KIAA1217: variants seen among roughly 807,000 people sequenced by gnomAD.
KIAA1217 encodes the protein sickle tail protein homolog.
KIAA1217 carries 88 observed loss-of-function variants against 163.9 expected under a neutral mutation model. That is an observed-to-expected ratio of 0.54 (90% confidence interval 0.45 to 0.64). The LOEUF is 0.64. KIAA1217 is among the 30% of genes least tolerant of loss of function. The pLI is 0.00. For synonymous variants in KIAA1217, 903 were observed against 923.1 expected, an observed-to-expected ratio of 0.98 and a Z score of 0.39; for missense variants, 2,372 against 2,475.0, an observed-to-expected ratio of 0.96 and a Z score of 0.88.
Position 24,276,700 on chromosome 10 carries a change from C to G in KIAA1217, c.354+56791C>G, listed in dbSNP as rs536635424. Among the ~76,000 whole-genome samples the G allele has an allele frequency of 5.1e-4, 78 of 151,700 alleles. 1 individual carries two copies. Among genetic ancestry groups the G allele is most frequent in the African/African-American group, 1.5e-3 (62 of 41,286 alleles). ...TCTCGGCTCACAGCAACCTCTGTCT[C>G]TCAAGTTCAAGTGATTGTCCTGCCT... On this transcript the variant is annotated intron_variant, in intron 2 of 20. Transcript: ENST00000376454.
At chr10:23,769,968 A>T (rs1834722134) in intron 1 of KIAA1217, among the ~76,000 whole-genome samples, 1 of 152,338 alleles carries the variant, frequency 6.6e-6, no homozygotes, top group East Asian at 1.9e-4. Flanking sequence ...CTTTTAACTC[A>T]TAATTAATTA....
At chr10:24,204,084 TTGGATC>T (rs759405831), upstream of KIAA1217, among the ~76,000 whole-genome samples, 8 of 152,236 alleles carry the variant, frequency 5.3e-5, no homozygotes, top group Non-Finnish European at 1.2e-4. Context: ...TATTAACACA[TTGGATC>T]TATGTGTAGT....
chr10:23,703,929 CA>C (rs1487265331), intron 1 of KIAA1217, among the ~76,000 whole-genome samples: 2 of 149,006 alleles, frequency 1.3e-5, no homozygotes, highest in Non-Finnish European at 3.0e-5. Context: ...TTTGTATTGC[CA>C]AAGAGCAATA....
At chr10:23,907,340 G>A (rs1842206568) in intron 1 of KIAA1217, among the ~76,000 whole-genome samples, 1 of 151,772 alleles carries the variant, frequency 6.6e-6, no homozygotes, top group African/African-American at 2.4e-5. Flanking sequence ...GAGAGATGGA[G>A]AGAGAGAGAA....
intron 2 of KIAA1217, among the ~76,000 whole-genome samples, chr10:24,059,581 T>G (rs1020141118): frequency 6.6e-6 from 1 of 152,116 alleles, no homozygotes; most frequent in Non-Finnish European, 1.5e-5. Flanking sequence ...TTTTGTTTGT[T>G]TGTTTGTTTG....
At chr10:24,085,824 T>C (rs190641589) in intron 2 of KIAA1217, among the ~76,000 whole-genome samples, 51 of 151,948 alleles carry the variant, frequency 3.4e-4, no homozygotes, top group Non-Finnish European at 4.9e-4. Flanking sequence ...AATACAAAAA[T>C]TAGCTGGGCA....
At chr10:24,310,733 A>T (rs1293779984) in intron 2 of KIAA1217, among the ~76,000 whole-genome samples, 1 of 152,124 alleles carries the variant, frequency 6.6e-6, no homozygotes, top group African/African-American at 2.4e-5. Context: ...GTGGTGTCTC[A>T]TGCCTGTAAT....
At chr10:24,355,660 A>C (rs11014051) in intron 2 of KIAA1217, among the ~76,000 whole-genome samples, 27,861 of 146,812 alleles carry the variant, frequency 0.19, 3,282 homozygotes, top group African/African-American at 0.33. Context: ...TGTGAACTGA[A>C]GCCAAGTGTT....
chr10:23,768,684 C>G (rs184622014), intron 1 of KIAA1217, among the ~76,000 whole-genome samples: 1 of 152,182 alleles, frequency 6.6e-6, no homozygotes, highest in East Asian at 1.9e-4. Flanking sequence ...TCACTGAGCT[C>G]GGTATCACAA....
At chr10:24,061,802 C>G (rs923214097) in intron 2 of KIAA1217, among the ~76,000 whole-genome samples, 6 of 152,182 alleles carry the variant, frequency 3.9e-5, no homozygotes, top group African/African-American at 1.4e-4. Context: ...TCTCTTCCTG[C>G]TTTCAAAATT....
At chr10:23,797,605 G>A (rs553926667) in intron 1 of KIAA1217, among the ~76,000 whole-genome samples, 146 of 152,284 alleles carry the variant, frequency 9.6e-4, no homozygotes, top group African/African-American at 3.5e-3. Context: ...ATGGCGGAAG[G>A]TGAAGAGGAA....
At chr10:24,124,190 G>A (rs1173866205) in intron 2 of KIAA1217, among the ~76,000 whole-genome samples, 1 of 151,884 alleles carries the variant, frequency 6.6e-6, no homozygotes, top group Non-Finnish European at 1.5e-5. Context: ...TTTTCTAAAT[G>A]AGATCTTTAT....
intron 2 of KIAA1217, among the ~76,000 whole-genome samples, chr10:24,231,402 A>G (rs2071392069): frequency 6.6e-6 from 1 of 152,244 alleles, no homozygotes; most frequent in Non-Finnish European, 1.5e-5. Context: ...AACCATTTTC[A>G]GAGCAAGCAC....
At chr10:23,714,978 C>T (rs77182214) in intron 1 of KIAA1217, among the ~76,000 whole-genome samples, 2,042 of 152,256 alleles carry the variant, frequency 0.013, 28 homozygotes, top group African/African-American at 0.037. Context: ...AAGACAAGAA[C>T]GCTATGTGCA....
At chr10:23,904,173 T>C (rs1255078868) in intron 1 of KIAA1217, among the ~76,000 whole-genome samples, 2 of 152,146 alleles carry the variant, frequency 1.3e-5, no homozygotes, top group Non-Finnish European at 2.9e-5. Context: ...AATTGGTATT[T>C]AAGATGTTTT....
chr10:24,360,039 A>AT (rs2049732990), intron 2 of KIAA1217, among the ~76,000 whole-genome samples: 2 of 59,724 alleles, frequency 3.3e-5, no homozygotes, highest in African/African-American at 9.5e-5. Flanking sequence ...GGATATAATT[A>AT]CTTTTTTTTT....
In KIAA1217 at chr10:23,986,734, A is replaced by G. The variant is rs187759472; in HGVS notation, c.-320-20491A>G. Among the ~76,000 whole-genome samples the G allele has an allele frequency of 4.4e-3, 668 of 152,318 alleles. 6 individuals carry two copies. Among genetic ancestry groups the G allele is most frequent in the Admixed American group, 7.4e-3 (113 of 15,304 alleles). ...AACAAAATTATGAGGACTGAGAATGAATGTGAGAGAAAGTCTTCCTTTGAA... is the reference window on the plus strand; with the variant it reads ...AACAAAATTATGAGGACTGAGAATGGATGTGAGAGAAAGTCTTCCTTTGAA... On this transcript the variant is annotated intron_variant, in intron 1 of 18. Transcript: ENST00000376462.
chr10:23,852,463 T>C (rs1839401271), intron 1 of KIAA1217, among the ~76,000 whole-genome samples: 1 of 152,230 alleles, frequency 6.6e-6, no homozygotes, highest in Non-Finnish European at 1.5e-5. Context: ...CCTCCAGCTT[T>C]GTTCTTTTGG....
rs539867860 is a variant in KIAA1217, at chr10:24,004,301, A to G, written c.-320-2924A>G. 3.9e-5 allele frequency among the ~76,000 whole-genome samples: 6 copies of G among 152,200 alleles called. No individual in the cohort carries two copies. In the South Asian group the frequency reaches 8.3e-4, roughly 21 times the overall value. The stretch of plus-strand genomic sequence containing the variant: ...CGAGGGCTTTTTATTTTATTCAAAG[A>G]CAAGATTTTTCAGGTTAAGCCAAGT... On this transcript the variant is annotated intron_variant, in intron 1 of 18. Transcript: ENST00000376462.
Sources: gnomAD v4.1 joint callset for allele counts (sites outside exome capture counted in the v4.1 genomes callset) on GRCh38, gnomAD v4.1.1 for gene constraint, MANE v1.5 for transcripts, NCBI Gene and HGNC (gene_info 2026-07-23, HGNC 2026-07-21) for gene names.